AKNA: variants seen among roughly 807,000 people sequenced by gnomAD.
AKNA encodes the protein microtubule organization protein AKNA.
Under a neutral mutation model 138.8 loss-of-function variants are expected in AKNA, and 67 were observed. The observed-to-expected ratio is 0.48, with a 90% CI of 0.40 to 0.59. The LOEUF (loss-of-function observed/expected upper bound fraction) is 0.59. Ranked by LOEUF, AKNA falls within the 20% of genes least tolerant of loss-of-function variation. The probability of loss-of-function intolerance (pLI) is 0.00; values close to 1 mark genes in which losing one functional copy is unlikely to be tolerated. For synonymous variants in AKNA, 737 were observed against 754.4 expected, an observed-to-expected ratio of 0.98 and a Z score of 0.38; for missense variants, 1,813 against 1,880.4, an observed-to-expected ratio of 0.96 and a Z score of 0.66.
intron 9 of AKNA, 60 bp from the exon 10 acceptor site, chr9:114,360,122 C>T (rs1831835899): frequency 6.2e-7 from 1 of 1,606,856 alleles, no homozygotes. Context: ...CACTTTTAAG[C>T]ACTTACCTCC....
chr9:114,365,972 T>C (rs984920750), intron 6 of AKNA, among the ~76,000 whole-genome samples: 1 of 152,172 alleles, frequency 6.6e-6, no homozygotes, highest in African/African-American at 2.4e-5. Flanking sequence ...AAGAAATGTG[T>C]CTCCGGCTAC....
At position 114,346,738 on chromosome 9, in the gene AKNA, T is replaced by C. The variant is rs772409963; in HGVS notation, c.3445A>G (p.Ile1149Val). The C allele has an allele frequency of 1.7e-5, 28 of 1,613,198 alleles. No homozygotes were observed. Among genetic ancestry groups the C allele is most frequent in the South Asian group, 1.4e-4 (13 of 90,852 alleles). Residue 1149 changes from isoleucine to valine, a missense_variant, in exon 17 of 22, where the codon ATT becomes GTT. Physicochemically the swap from Ile to Val is conservative, Grantham distance 29. Transcript: ENST00000374088. ...GCTCGCTGCCTTCCTGGAGGGACAA[T>C]CTGCTCTTCACCTCTAGGCTCACCA... ...LPGEPRGEEQ[I>V]VPPGRQRARS...
upstream of AKNA, among the ~76,000 whole-genome samples, chr9:114,398,132 C>T (rs1031585165): frequency 1.3e-5 from 2 of 152,094 alleles, no homozygotes; most frequent in Admixed American, 1.3e-4. The surrounding 1 kb of genome is among the most constrained non-coding windows in gnomAD (Gnocchi z 4.2). Context: ...AGCCAACGCC[C>T]CCATTGTGCA....
rs780519306 is a variant in AKNA at position 114,341,682 on chromosome 9, G to T, written c.3918C>A (p.Pro1306=). 7 of 1,600,822 alleles carry T rather than the reference G, an allele frequency of 4.4e-6. No homozygotes were observed. Among genetic ancestry groups the T allele is most frequent in the Non-Finnish European group, 6.0e-6 (7 of 1,174,632 alleles). Residue 1306 remains proline (P), a synonymous_variant, in exon 21 of 22, where the codon CCC becomes CCA. Coordinates refer to ENST00000374088, the MANE Select transcript of AKNA (RefSeq NM_001317950.2). ...ATTRRKASST[P]SPKQRSKQAG... ...CCTGCTTGCTCCTCTGCTTGGGGCT[G>T]GGAGTTGAAGATGCTTTTCTCCTCG...
At chr9:114,340,176 G>A (rs914695388) in intron 21 of AKNA, among the ~76,000 whole-genome samples, 6 of 152,178 alleles carry the variant, frequency 3.9e-5, no homozygotes, top group African/African-American at 9.7e-5. Context: ...AGGGCTGGAT[G>A]GCGCCTTGGG....
rs746827879 is a variant in AKNA at position 114,359,981 on chromosome 9, C to T, written c.2206G>A (p.Val736Met). The T allele has an allele frequency of 5.0e-6, 8 of 1,614,116 alleles. No homozygotes were observed. In the South Asian group the frequency reaches 8.8e-5, roughly 18 times the overall value. ...AGGGGGTCCTGTGGCCTGTCCTCCA[C>T]CTCACTGTTGCCAGAGCTCACCTCC... ...NVEVSSGNSE[V>M]EDRPQDPLAR... Residue 736 changes from valine (V) to methionine (M), a missense_variant, in exon 10 of 22, where the codon GTG (valine) becomes ATG (methionine). Val to Met is a conservative substitution (Grantham distance 21). Coordinates refer to ENST00000374088, the MANE Select transcript of AKNA (RefSeq NM_001317950.2).
intron 15 of AKNA, among the ~76,000 whole-genome samples, chr9:114,350,497 C>A (rs533295945): frequency 1.2e-4 from 18 of 152,334 alleles, no homozygotes; most frequent in African/African-American, 4.3e-4. Flanking sequence ...AAGAAAAACT[C>A]AGAAGGCAGT....
At chr9:114,348,562 G>T (rs968848615) in intron 15 of AKNA, among the ~76,000 whole-genome samples, 1 of 152,190 alleles carries the variant, frequency 6.6e-6, no homozygotes, top group African/African-American at 2.4e-5. Flanking sequence ...GGCTGACTAA[G>T]AGCAGGCTGG....
chr9:114,380,304 C>T (rs55861916), intron 2 of AKNA, among the ~76,000 whole-genome samples: 4,457 of 152,226 alleles, frequency 0.029, 220 homozygotes, highest in African/African-American at 0.1. Context: ...ACTACTAAAA[C>T]GCCCAGCAGT....
chr9:114,342,248 C>G (rs2131788624), intron 19 of AKNA, 123 bp from the exon 20 acceptor site: 1 of 646,282 alleles, frequency 1.5e-6, no homozygotes, highest in African/African-American at 1.9e-5. Flanking sequence ...GGACAAGCTG[C>G]CTCCATCTGG....
chr9:114,354,621 G>A (rs189381619), intron 14 of AKNA, among the ~76,000 whole-genome samples: 2 of 151,450 alleles, frequency 1.3e-5, no homozygotes, highest in African/African-American at 2.4e-5. Flanking sequence ...GCTGAGGCAG[G>A]AGAATGGCGT....
upstream of AKNA, among the ~76,000 whole-genome samples, chr9:114,397,637 A>C (rs1200044771): frequency 1.3e-5 from 2 of 152,214 alleles, no homozygotes; most frequent in Non-Finnish European, 2.9e-5. Context: ...GTCACGCAGC[A>C]AGCAGACTCT....
At chr9:114,393,340 T>C (rs982024819) in intron 1 of AKNA, among the ~76,000 whole-genome samples, 1 of 151,444 alleles carries the variant, frequency 6.6e-6, no homozygotes, top group Admixed American at 6.6e-5. Flanking sequence ...CTCAGCCTCC[T>C]GAGTAGCTGC....
chr9:114,342,848 T>G (rs547109653), intron 19 of AKNA, among the ~76,000 whole-genome samples: 1 of 147,940 alleles, frequency 6.8e-6, no homozygotes, highest in South Asian at 2.1e-4. Context: ...CAGGGCCCCA[T>G]AGGGGTAAGT....
Position 114,381,449 on chromosome 9 carries a change from G to C in AKNA, c.-113-3C>G. On this transcript the variant is annotated splice_region_variant and splice_polypyrimidine_tract_variant and intron_variant, in intron 1 of 21. Transcript: ENST00000374088. ...GCATCGGCCATCCTGCCTGTGCCCT[G>C]TCAGGGACACATTCAAGAGAGAACA... The C allele has an allele frequency of 7.0e-7, 1 of 1,429,230 alleles. No individual in the cohort carries two copies. Among genetic ancestry groups the C allele is most frequent in the Non-Finnish European group, 9.1e-7 (1 of 1,095,744 alleles). The allele number at this position is 1,429,230 out of a possible 1,614,324, so 88.5% of individuals were successfully genotyped here. A position where few individuals can be genotyped will look rare whatever the true frequency, so the allele number is the denominator to read the frequency against.
In AKNA at chr9:114,335,783, A is replaced by AAAAG. The variant is rs1161207445; in HGVS notation, c.*1270_*1271insCTTT. ...CAAAACTCAGTCTCAAAAAAAAAAAAAAAAAGAAAAAGAAAAAAGAAAAAA... is the reference window on the plus strand; with the variant it reads ...CAAAACTCAGTCTCAAAAAAAAAAAAAAAGAAAAAGAAAAAGAAAAAAGAAAAAA... On this transcript the variant is annotated 3_prime_UTR_variant, in exon 22 of 22. Coordinates refer to ENST00000374088, the MANE Select transcript of AKNA (RefSeq NM_001317950.2). The AAAAG allele has an allele frequency of 6.7e-6, 1 of 149,704 alleles. No homozygotes were observed. The highest frequency in any genetic ancestry group is 2.4e-5 in the African/African-American group (1 of 41,284). 9.3% of individuals were successfully genotyped at this position (149,704 alleles called of 1,614,324 possible). A position where few individuals can be genotyped will look rare whatever the true frequency, so the allele number is the denominator to read the frequency against.
intron 6 of AKNA, 67 bp downstream of exon 6, chr9:114,367,476 C>T (rs1832447649): frequency 1.3e-6 from 2 of 1,564,716 alleles, no homozygotes; most frequent in African/African-American, 2.7e-5. Flanking sequence ...CTCACCCAAG[C>T]AGGCAGAGGT....
In AKNA at chr9:114,377,024, T is replaced by C. The variant is rs1833279442; in HGVS notation, c.783A>G (p.Glu261=). The change falls in exon 3 of 22, where the codon GAA becomes GAG. Residue 261 remains glutamate, a synonymous_variant. Transcript: ENST00000374088. The part of the protein sequence containing the change: ...GGSVARATPM[E]FQDSSAPPAQ... ...CTGGGGGAGCTGAGGAGTCCTGGAATTCCATGGGGGTTGCCCGAGCAACAC... is the reference window on the plus strand; with the variant it reads ...CTGGGGGAGCTGAGGAGTCCTGGAACTCCATGGGGGTTGCCCGAGCAACAC... The C allele has an allele frequency of 6.2e-7, 1 of 1,613,940 alleles. No individual in the cohort carries two copies. Among genetic ancestry groups the C allele is most frequent in the Admixed American group, 1.7e-5 (1 of 59,998 alleles).
intron 18 of AKNA, 74 bp from the exon 19 acceptor site, chr9:114,343,877 T>C: frequency 1.5e-6 from 2 of 1,303,718 alleles, no homozygotes; most frequent in Non-Finnish European, 2.2e-6. Context: ...TCTGGAATAA[T>C]GATCTCCTCT....
Sources: allele counts gnomAD v4.1 joint callset (sites outside exome capture counted in the v4.1 genomes callset), GRCh38; gene constraint gnomAD v4.1.1; non-coding constraint Gnocchi (gnomAD v3.1); transcripts MANE v1.5; gene names NCBI Gene and HGNC (gene_info 2026-07-23, HGNC 2026-07-21).